BBS9: variants seen among roughly 807,000 people sequenced by gnomAD.
BBS9 encodes the protein Bardet-Biedl syndrome 9.
BBS9 carries 89 observed loss-of-function variants against 117.7 expected under a neutral mutation model. The observed-to-expected ratio is 0.76, with a 90% confidence interval of 0.64 to 0.90. The LOEUF (loss-of-function observed/expected upper bound fraction) is 0.90. BBS9 is among the 40% of genes least tolerant of loss of function. The probability of loss-of-function intolerance (pLI) is 0.00; values close to 1 mark genes in which losing one functional copy is unlikely to be tolerated. For missense variants in BBS9, 982 were observed against 1,042.2 expected, an observed-to-expected ratio of 0.94 and a Z score of 0.80; for synonymous variants, 379 against 370.9, an observed-to-expected ratio of 1.02 and a Z score of -0.25.
At chr7:33,183,971 A>G (rs181566063) in intron 5 of BBS9, among the ~76,000 whole-genome samples, 3 of 152,310 alleles carry the variant, frequency 2.0e-5, no homozygotes, top group Admixed American at 2.0e-4. Flanking sequence ...ATAGTAAAAA[A>G]CATTTATAGC....
intron 9 of BBS9, among the ~76,000 whole-genome samples, chr7:33,310,620 C>T (rs1430837218): frequency 1.3e-5 from 2 of 152,196 alleles, no homozygotes; most frequent in African/African-American, 4.8e-5. Flanking sequence ...TACTAGCTCC[C>T]TGGTTCCCAA....
intron 21 of BBS9, among the ~76,000 whole-genome samples, chr7:33,569,559 TC>T (rs1458050373): frequency 6.7e-6 from 1 of 150,328 alleles, no homozygotes; most frequent in Non-Finnish European, 1.5e-5. Context: ...ATCGAGACCA[TC>T]CTGGCTATGG....
intron 4 of BBS9, among the ~76,000 whole-genome samples, chr7:33,171,343 A>C (rs1210165110): frequency 6.6e-6 from 1 of 152,132 alleles, no homozygotes; most frequent in Non-Finnish European, 1.5e-5. Flanking sequence ...GAGAAAAACA[A>C]GCAGTGGGGA....
intron 5 of BBS9, among the ~76,000 whole-genome samples, chr7:33,198,943 G>A (rs1006811110): frequency 6.6e-5 from 10 of 151,938 alleles, no homozygotes; most frequent in Non-Finnish European, 1.0e-4. Flanking sequence ...TATGTCTACT[G>A]TTGCTAGTTC....
At chr7:33,534,950 G>A (rs1359509371) in intron 21 of BBS9, among the ~76,000 whole-genome samples, 1 of 152,200 alleles carries the variant, frequency 6.6e-6, no homozygotes, top group Non-Finnish European at 1.5e-5. Flanking sequence ...GGGAAGTGGT[G>A]TGGTTTTCTC....
intron 9 of BBS9, among the ~76,000 whole-genome samples, chr7:33,330,207 G>T (rs1430704723): frequency 2.0e-5 from 3 of 151,934 alleles, no homozygotes; most frequent in African/African-American, 4.8e-5. Flanking sequence ...TAGAGATGGG[G>T]TTTTACCGTG....
At chr7:33,404,828 C>A (rs1829621542) in intron 19 of BBS9, among the ~76,000 whole-genome samples, 1 of 152,090 alleles carries the variant, frequency 6.6e-6, no homozygotes, top group Non-Finnish European at 1.5e-5. Flanking sequence ...TAATTGAATA[C>A]CCTTTATTTC....
chr7:33,165,524 G>A (rs978976244), intron 4 of BBS9, among the ~76,000 whole-genome samples: 27 of 143,842 alleles, frequency 1.9e-4, no homozygotes, highest in Non-Finnish European at 2.8e-4. Context: ...GGCTTTGTTC[G>A]TTTTTTTTTT....
In BBS9 at chr7:33,605,815, G is replaced by A. The variant is rs548920550; in HGVS notation, c.*589G>A. The A allele has an allele frequency of 6.0e-4, 93 of 154,682 alleles. No individual in the cohort carries two copies. The highest frequency in any genetic ancestry group is 6.8e-3 in the Middle Eastern group (2 of 296). 9.6% of individuals were successfully genotyped at this position (154,682 alleles called of 1,614,324 possible). A position where few individuals can be genotyped will look rare whatever the true frequency, so the allele number is the denominator to read the frequency against. ...GATTTGTTCTATTAAGCTAAACGTGGAAGAAGGGAAGTTTTCTAGTATTGT... is the reference window on the plus strand; with the variant it reads ...GATTTGTTCTATTAAGCTAAACGTGAAAGAAGGGAAGTTTTCTAGTATTGT... On this transcript the variant is annotated 3_prime_UTR_variant, in exon 23 of 23. Transcript: ENST00000242067.
intron 19 of BBS9, among the ~76,000 whole-genome samples, chr7:33,401,062 A>G (rs140848503): frequency 1.3e-5 from 2 of 152,252 alleles, no homozygotes; most frequent in African/African-American, 2.4e-5. Context: ...TATGATTTCC[A>G]TATCTCTTAT....
intron 19 of BBS9, among the ~76,000 whole-genome samples, chr7:33,479,950 A>G (rs1488537081): frequency 6.6e-6 from 1 of 152,174 alleles, no homozygotes; most frequent in Non-Finnish European, 1.5e-5. Context: ...AGTTCCTTAT[A>G]GATTCTGGAT....
rs1838453514 is a variant in BBS9, at chr7:33,455,178, T to C, written c.2116-50285T>C. On this transcript the variant is annotated intron_variant, in intron 19 of 22. Coordinates refer to ENST00000242067, the MANE Select transcript of BBS9 (RefSeq NM_198428.3). ...TCTGTCACTCCCTGATGAGAAAACC[T>C]TGGCAAATCACTTGACCTCCTCAGA... Among the ~76,000 whole-genome samples the C allele has an allele frequency of 1.3e-5, 2 of 152,180 alleles. 1 individual carries two copies. Among genetic ancestry groups the C allele is most frequent in the African/African-American group, 4.8e-5 (2 of 41,450 alleles).
At chr7:33,487,968 C>T (rs1304329706) in intron 19 of BBS9, among the ~76,000 whole-genome samples, 1 of 152,114 alleles carries the variant, frequency 6.6e-6, no homozygotes, top group Non-Finnish European at 1.5e-5. Flanking sequence ...ATAAATTGTA[C>T]ATGAAATCAG....
At chr7:33,368,415 G>A (rs939735418) in intron 17 of BBS9, among the ~76,000 whole-genome samples, 2 of 152,130 alleles carry the variant, frequency 1.3e-5, no homozygotes, top group Admixed American at 6.5e-5. Context: ...GTTGCTTTAT[G>A]TATGCGAGAA....
chr7:33,393,093 G>A (rs1827336537), intron 19 of BBS9, among the ~76,000 whole-genome samples: 1 of 152,120 alleles, frequency 6.6e-6, no homozygotes, highest in South Asian at 2.1e-4. Flanking sequence ...TTTAGCCCGG[G>A]AGGTTGAGGC....
chr7:33,320,137 C>CA (rs2128578149), intron 9 of BBS9, among the ~76,000 whole-genome samples: 1 of 152,128 alleles, frequency 6.6e-6, no homozygotes, highest in South Asian at 2.1e-4. Flanking sequence ...GCTAAATATA[C>CA]AAAAAATTAT....
rs114343179 is a variant in BBS9 at position 33,219,320 on chromosome 7, C to T, written c.443-37916C>T. ...GTGAGCGCCGCCCCGTGCTCCACCGCGGCCGGTCCCATCGACCACCCAAGG... is the reference window on the plus strand; with the variant it reads ...GTGAGCGCCGCCCCGTGCTCCACCGTGGCCGGTCCCATCGACCACCCAAGG... On this transcript the variant is annotated intron_variant, in intron 5 of 22. Transcript: ENST00000242067. Among the ~76,000 whole-genome samples the T allele has an allele frequency of 4.5e-3, 686 of 152,342 alleles. 7 individuals carry two copies. The highest frequency in any genetic ancestry group is 0.015 in the African/African-American group (636 of 41,578).
intron 5 of BBS9, among the ~76,000 whole-genome samples, chr7:33,203,945 A>C (rs1786407627): frequency 6.8e-6 from 1 of 146,894 alleles, no homozygotes; most frequent in African/African-American, 2.5e-5. Flanking sequence ...CTGGTCTCAA[A>C]CTCCTGACCT....
At position 33,443,476 on chromosome 7, in the gene BBS9, T is replaced by G. The variant is rs947801600; in HGVS notation, c.2115+55332T>G. ...CCTATGGACTCCATGCTTTAAAAAT[T>G]GTCTCTCAAGGACAATATATCAATT... On this transcript the variant is annotated intron_variant, in intron 19 of 22. Coordinates refer to ENST00000242067, the MANE Select transcript of BBS9 (RefSeq NM_198428.3). Among the ~76,000 whole-genome samples the G allele has an allele frequency of 4.6e-5, 7 of 152,286 alleles. No individual in the cohort carries two copies. In the East Asian group the frequency reaches 1.4e-3, roughly 29 times the overall value.
Sources: gnomAD v4.1 joint callset for allele counts (sites outside exome capture counted in the v4.1 genomes callset) on GRCh38, gnomAD v4.1.1 for gene constraint, MANE v1.5 for transcripts, NCBI Gene and HGNC (gene_info 2026-07-23, HGNC 2026-07-21) for gene names.